Variants in PASK observed in about 807,000 individuals in gnomAD.
PASK encodes PAS domain containing serine/threonine kinase.
PASK carries 110 observed loss-of-function variants against 121.0 expected under a neutral mutation model. The ratio of observed to expected loss-of-function variants is 0.91; its 90% confidence interval spans 0.78 to 1.06. The LOEUF (loss-of-function observed/expected upper bound fraction) is 1.06. PASK is among the 50% of genes least tolerant of loss of function. The pLI is 0.00. For synonymous variants in PASK, 686 were observed against 717.8 expected (o/e 0.96, Z 0.71); for missense variants, 1,643 against 1,702.3 (o/e 0.97, Z 0.61).
At chr2:241,133,273 G>A (rs573970245) in intron 8 of PASK, 22 of 568,026 alleles carry the variant, frequency 3.9e-5, no homozygotes, top group East Asian at 1.3e-4. Flanking sequence ...GTCAGAGCAC[G>A]GCACTCACCT....
chr2:241,144,790 C>T (rs1262392482), intron 1 of PASK, among the ~76,000 whole-genome samples: 1 of 152,320 alleles, frequency 6.6e-6, no homozygotes, highest in South Asian at 2.1e-4. Flanking sequence ...TCCAAGGAGT[C>T]CCCCCTCCTT....
chr2:241,146,070 T>C (rs552600969), intron 1 of PASK, among the ~76,000 whole-genome samples: 8 of 152,256 alleles, frequency 5.3e-5, no homozygotes, highest in Admixed American at 3.9e-4. Context: ...ATATCCAGAA[T>C]AGCTTTAAAA....
chr2:241,146,707 T>C (rs2066972747), intron 1 of PASK, among the ~76,000 whole-genome samples: 1 of 152,168 alleles, frequency 6.6e-6, no homozygotes, highest in Admixed American at 6.5e-5. Context: ...ACCTATGTAA[T>C]TAAACTACTT....
chr2:241,131,631 C>T (rs1284668092), intron 9 of PASK, among the ~76,000 whole-genome samples: 3 of 152,076 alleles, frequency 2.0e-5, no homozygotes, highest in Non-Finnish European at 2.9e-5. Flanking sequence ...TAACCTCTGC[C>T]CTGACCCAGG....
intron 2 of PASK, among the ~76,000 whole-genome samples, chr2:241,141,374 C>A (rs979649247): frequency 6.6e-6 from 1 of 152,200 alleles, no homozygotes; most frequent in Non-Finnish European, 1.5e-5. Context: ...ATGGCCACTC[C>A]GGTGGCTGCC....
intron 2 of PASK, 92 bp downstream of exon 2, chr2:241,142,745 A>C: frequency 1.0e-6 from 1 of 999,660 alleles, no homozygotes; most frequent in East Asian, 2.5e-5. Flanking sequence ...GAGTGACTTC[A>C]ATCCCTGGTG....
intron 14 of PASK, chr2:241,114,569 T>C: frequency 9.8e-7 from 1 of 1,015,478 alleles, no homozygotes; most frequent in Non-Finnish European, 1.2e-6. Flanking sequence ...AATATGTAAT[T>C]AGACACGAAA....
At position 241,126,369 on chromosome 2, in the gene PASK, G is replaced by A; in HGVS notation, c.2546C>T (p.Ser849Phe). The change falls in exon 10 of 18, where the codon TCC becomes TTC. Residue 849 changes from serine (S) to phenylalanine (F), a missense_variant. Coordinates refer to ENST00000234040, the MANE Select transcript of PASK (RefSeq NM_015148.4). Reference sequence around the variant, plus strand: ...GTCCTCAGGGCCAGCATCCAACGTGGAAGGAACGTGTCCTGGGCTTTCTCT... The same window carrying A: ...GTCCTCAGGGCCAGCATCCAACGTGAAAGGAACGTGTCCTGGGCTTTCTCT... ...SDRESPGHVP[S>F]TLDAGPEDTC... 1.2e-6 allele frequency: 2 copies of A among 1,614,240 alleles called. No homozygotes were observed. The highest frequency in any genetic ancestry group is 1.7e-6 in the Non-Finnish European group (2 of 1,180,042).
At chr2:241,118,808 C>T (rs2065479073) in intron 12 of PASK, 2 of 507,424 alleles carry the variant, frequency 3.9e-6, no homozygotes, top group Non-Finnish European at 2.8e-6. Flanking sequence ...AACAGGCCAG[C>T]GTGTACACCA....
At chr2:241,150,271 A>G (rs1341413040), upstream of PASK, 2 of 1,320,578 alleles carry the variant, frequency 1.5e-6, no homozygotes, top group African/African-American at 1.5e-5. Flanking sequence ...TCTCGCCTCC[A>G]GACTGTTCCG....
chr2:241,143,200 G>A, intron 1 of PASK, 126 bp from the exon 2 acceptor site: 1 of 672,944 alleles, frequency 1.5e-6, no homozygotes, highest in South Asian at 1.7e-5. Context: ...CGCCATCCTG[G>A]GTCAGAACCC....
rs1393000821 is a variant in PASK, at chr2:241,140,595, A to G, written c.355T>C (p.Ser119Pro). 6.2e-7 allele frequency: 1 copy of G among 1,614,058 alleles called. No individual in the cohort carries two copies. Among genetic ancestry groups the G allele is most frequent in the South Asian group, 1.1e-5 (1 of 91,068 alleles). ...SLLRGLSSGWSSPLLPAPVCN... is the reference protein window; with the variant it reads ...SLLRGLSSGWPSPLLPAPVCN... ...ACAGGGGCCGGAAGCAGAGGTGAGG[A>G]CCACCCTGAGGACAGTCCCCGCAGC... is the stretch of plus-strand genomic sequence containing the variant. Residue 119 changes from serine (S) to proline (P), a missense_variant, in exon 3 of 18, where the codon TCC becomes CCC. Ser to Pro is a moderately conservative substitution (Grantham distance 74, BLOSUM62 -1). Transcript: ENST00000234040.
chr2:241,132,333 G>A (rs1014085983), intron 9 of PASK, among the ~76,000 whole-genome samples: 2 of 151,454 alleles, frequency 1.3e-5, no homozygotes, highest in African/African-American at 4.9e-5. Flanking sequence ...GACCATCCTG[G>A]CCAACATGGT....
chr2:241,142,794 G>T, intron 2 of PASK, 43 bp downstream of exon 2: 1 of 1,396,420 alleles, frequency 7.2e-7, no homozygotes, highest in Non-Finnish European at 1.0e-6. Flanking sequence ...CTCCACATTT[G>T]TATTTCCACG....
chr2:241,142,377 T>C (rs1202071082), intron 2 of PASK, among the ~76,000 whole-genome samples: 2 of 152,124 alleles, frequency 1.3e-5, no homozygotes, highest in African/African-American at 4.8e-5. Flanking sequence ...TTGGGGTGCC[T>C]GGACAAAGGA....
Position 241,112,740 on chromosome 2 carries a change from C to A in PASK, c.3334-301G>T, listed in dbSNP as rs952017913. ...CTTCCCAGCAGACACTCGCCCCCAC[C>A]AACGCACACCATGCCTATTTCAGGA... is the stretch of plus-strand genomic sequence containing the variant. On this transcript the variant is annotated intron_variant, in intron 14 of 17. Transcript: ENST00000234040. This position sits in a 1 kb window ranked among gnomAD's most constrained non-coding sequence, Gnocchi z 5.2. The A allele has an allele frequency of 1.9e-5, 7 of 370,352 alleles. No individual in the cohort carries two copies. Among genetic ancestry groups the A allele is most frequent in the Non-Finnish European group, 3.0e-5 (6 of 198,074 alleles). The allele number at this position is 370,352 out of a possible 1,614,324, so 22.9% of individuals were successfully genotyped here. A position where few individuals can be genotyped will look rare whatever the true frequency, so the allele number is the denominator to read the frequency against.
Position 241,113,786 on chromosome 2 carries a change from C to T in PASK, c.3333+1257G>A, listed in dbSNP as rs558353951. 3.0e-6 allele frequency: 3 copies of T among 985,490 alleles called. No individual in the cohort carries two copies. In the Admixed American group the frequency reaches 1.8e-4, roughly 60 times the overall value. 61.0% of individuals were successfully genotyped at this position (985,490 alleles called of 1,614,324 possible). On this transcript the variant is annotated intron_variant, in intron 14 of 17. Coordinates refer to ENST00000234040, the MANE Select transcript of PASK (RefSeq NM_015148.4). ...TGCCCTGGAGCGGCCTGAACCAAGC[C>T]AGGGCTGTTCCCAGGCCCAGCTCCC...
chr2:241,130,704 A>G (rs766031520), intron 9 of PASK, among the ~76,000 whole-genome samples: 3 of 152,192 alleles, frequency 2.0e-5, no homozygotes, highest in Non-Finnish European at 2.9e-5. Flanking sequence ...CTCAACGCGG[A>G]CCCACAGTGG....
chr2:241,110,921 C>G (rs1038225507), intron 15 of PASK, among the ~76,000 whole-genome samples: 1 of 152,178 alleles, frequency 6.6e-6, no homozygotes, highest in Non-Finnish European at 1.5e-5. Flanking sequence ...GAGGTTCTAG[C>G]GGGGAAGAGC....
Sources: gnomAD v4.1 joint callset for allele counts (sites outside exome capture counted in the v4.1 genomes callset) on GRCh38, gnomAD v4.1.1 for gene constraint, Gnocchi (gnomAD v3.1) non-coding constraint, MANE v1.5 for transcripts, NCBI Gene and HGNC (gene_info 2026-07-23, HGNC 2026-07-21) for gene names.